Variants in TNRC6B observed in about 807,000 individuals in gnomAD.
The protein encoded by TNRC6B is trinucleotide repeat-containing gene 6B protein.
A neutral mutation model predicts 203.6 loss-of-function variants in TNRC6B; 52 were observed. That is an observed-to-expected ratio of 0.26 (90% CI 0.20 to 0.32). The LOEUF (loss-of-function observed/expected upper bound fraction) is 0.32. Ranked by LOEUF, TNRC6B falls within the 10% of genes least tolerant of loss-of-function variation. TNRC6B has a pLI of 1.00. For synonymous variants in TNRC6B, 838 were observed against 845.7 expected (o/e 0.99, Z 0.16); for missense variants, 1,923 against 2,286.2 (o/e 0.84, Z 3.24).
intron 5 of TNRC6B, among the ~76,000 whole-genome samples, chr22:40,268,697 G>A (rs1051700533): frequency 4.0e-5 from 6 of 151,886 alleles, no homozygotes; most frequent in African/African-American, 1.4e-4. Context: ...AGATCATGAG[G>A]TCAGGAGATC....
At chr22:40,116,614 T>TA (rs1351462997) in intron 1 of TNRC6B, among the ~76,000 whole-genome samples, 1 of 151,950 alleles carries the variant, frequency 6.6e-6, no homozygotes, top group Non-Finnish European at 1.5e-5. Flanking sequence ...AATGAAGAAT[T>TA]ATGGGTAGAT....
intron 1 of TNRC6B, among the ~76,000 whole-genome samples, chr22:40,240,484 C>T (rs2070013670): frequency 1.3e-5 from 2 of 152,148 alleles, no homozygotes; most frequent in East Asian, 3.8e-4. Context: ...GCAGCAGTCC[C>T]AGGCTGGGCT....
chr22:40,150,173 C>G (rs974530866), intron 3 of TNRC6B, among the ~76,000 whole-genome samples: 15 of 152,016 alleles, frequency 9.9e-5, no homozygotes, highest in Admixed American at 4.6e-4. Context: ...GTCAGGAGAT[C>G]AAGACCATCC....
Position 40,129,039 on chromosome 22 carries a change from C to T in TNRC6B, c.45+3177C>T, listed in dbSNP as rs6001785. Among the ~76,000 whole-genome samples, 67 of 152,218 alleles carry T rather than the reference C, an allele frequency of 4.4e-4. 1 individual carries two copies. Among genetic ancestry groups the T allele is most frequent in the African/African-American group, 1.6e-3 (66 of 41,538 alleles). ...GAGCGTAGCTAGTCAAGGAAGGTCT[C>T]TCTGAGACGGGGACATTTCAGCTGA... On this transcript the variant is annotated intron_variant, in intron 3 of 23. Coordinates refer to the TNRC6B transcript ENST00000301923.
rs760902198 is a variant in TNRC6B at position 40,270,448 on chromosome 22, T to C, written c.2965+168T>C. Among the ~76,000 whole-genome samples, 86 of 151,560 alleles carry C rather than the reference T, an allele frequency of 5.7e-4. 1 individual carries two copies. The highest frequency in any genetic ancestry group is 9.3e-4 in the Non-Finnish European group (63 of 67,928). On this transcript the variant is annotated intron_variant, in intron 6 of 22. Coordinates refer to ENST00000454349, the MANE Select transcript of TNRC6B (RefSeq NM_001162501.2). ...GATTCTCCTGCCTCAGCCTCCCGAGTAGCTGGGATTACAGGCGCCCGCCAC... is the reference window on the plus strand; with the variant it reads ...GATTCTCCTGCCTCAGCCTCCCGAGCAGCTGGGATTACAGGCGCCCGCCAC...
intron 1 of TNRC6B, among the ~76,000 whole-genome samples, chr22:40,241,439 A>G (rs2070027454): frequency 6.6e-6 from 1 of 152,204 alleles, no homozygotes; most frequent in Non-Finnish European, 1.5e-5. Flanking sequence ...TTCATTTGGA[A>G]CAATTCCTCA....
At chr22:40,184,013 G>A (rs569390026) in intron 1 of TNRC6B, among the ~76,000 whole-genome samples, 1 of 152,166 alleles carries the variant, frequency 6.6e-6, no homozygotes, top group African/African-American at 2.4e-5. Context: ...TGACTCAATG[G>A]GCAAAATGAA....
At chr22:40,151,739 TGA>T in intron 3 of TNRC6B, among the ~76,000 whole-genome samples, 1 of 149,896 alleles carries the variant, frequency 6.7e-6, no homozygotes, top group Middle Eastern at 3.4e-3. Context: ...AAAATAAAGT[TGA>T]GAGAACCTCC....
intron 1 of TNRC6B, among the ~76,000 whole-genome samples, chr22:40,091,118 A>C (rs1382158124): frequency 6.6e-6 from 1 of 151,862 alleles, no homozygotes; most frequent in African/African-American, 2.4e-5. Flanking sequence ...AATAGCTGGG[A>C]CTACAGGCGC....
In TNRC6B at chr22:40,165,765, C is replaced by G. The variant is rs189236680; in HGVS notation, c.113+9583C>G. Among the ~76,000 whole-genome samples the G allele has an allele frequency of 2.0e-5, 3 of 152,242 alleles. No individual in the cohort carries two copies. In the East Asian group the frequency reaches 5.8e-4, roughly 29 times the overall value. On this transcript the variant is annotated intron_variant, in intron 4 of 23. Coordinates refer to the TNRC6B transcript ENST00000301923. ...AAGTGCTGAGCAATGGGGGGGAAAG[C>G]TCCTTATATAACCATCACATCTCAT...
At chr22:40,260,293 T>C (rs1479751754) in intron 3 of TNRC6B, among the ~76,000 whole-genome samples, 1 of 152,108 alleles carries the variant, frequency 6.6e-6, no homozygotes, top group Non-Finnish European at 1.5e-5. Context: ...CAGGTAGCTG[T>C]AGAAACCAGA....
chr22:40,321,316 A>G (rs2146579415), intron 22 of TNRC6B, 87 bp downstream of exon 22: 2 of 1,469,630 alleles, frequency 1.4e-6, no homozygotes, highest in East Asian at 4.7e-5. Flanking sequence ...TTAAAGATGC[A>G]CCAGAACATA....
At chr22:40,156,262 T>G in intron 4 of TNRC6B, 1 of 1,365,458 alleles carries the variant, frequency 7.3e-7, no homozygotes, top group Non-Finnish European at 1.0e-6. Flanking sequence ...TAAGCGTGTT[T>G]GTCAGAGATG....
chr22:40,223,824 G>T (rs2069748105), intron 1 of TNRC6B, among the ~76,000 whole-genome samples: 1 of 152,150 alleles, frequency 6.6e-6, no homozygotes, highest in Non-Finnish European at 1.5e-5. Flanking sequence ...CTTTCATTTT[G>T]ATAGGTAGCT....
chr22:40,095,937 T>C (rs2068183272), intron 1 of TNRC6B, among the ~76,000 whole-genome samples: 1 of 152,048 alleles, frequency 6.6e-6, no homozygotes, highest in African/African-American at 2.4e-5. Context: ...GGCTCATCCA[T>C]GTCATCACCA....
intron 1 of TNRC6B, among the ~76,000 whole-genome samples, chr22:40,076,734 T>C (rs149494291): frequency 3.3e-4 from 50 of 152,310 alleles, no homozygotes; most frequent in Non-Finnish European, 5.9e-4. Flanking sequence ...AATGCTTTAA[T>C]GAAAAGTCTT....
In TNRC6B at chr22:40,321,442, G is replaced by A. The variant is rs143621855; in HGVS notation, c.5114+213G>A. On this transcript the variant is annotated intron_variant, in intron 22 of 22. Coordinates refer to ENST00000454349, the MANE Select transcript of TNRC6B (RefSeq NM_001162501.2). ...GTCCTGTATATATCAGAGGCCAGTC[G>A]TCAGAATTCCAAACGTAAATAATTT... 3.0e-4 allele frequency: 156 copies of A among 513,462 alleles called. 1 individual carries two copies. Among genetic ancestry groups the A allele is most frequent in the African/African-American group, 1.3e-3 (69 of 52,986 alleles). The allele number at this position is 513,462 out of a possible 1,614,324, so 31.8% of individuals were successfully genotyped here.
chr22:40,102,012 G>A (rs1396448921), intron 1 of TNRC6B, among the ~76,000 whole-genome samples: 11 of 152,172 alleles, frequency 7.2e-5, no homozygotes, highest in Admixed American at 7.2e-4. Context: ...CAGCAAACTA[G>A]TTTGGATAGC....
intron 4 of TNRC6B, among the ~76,000 whole-genome samples, chr22:40,169,267 G>A (rs1465420994): frequency 2.0e-5 from 3 of 151,680 alleles, no homozygotes; most frequent in Admixed American, 6.6e-5. Flanking sequence ...GAGTAGCTGG[G>A]ATCACAGGTG....
Sources: allele counts gnomAD v4.1 joint callset (sites outside exome capture counted in the v4.1 genomes callset), GRCh38; gene constraint gnomAD v4.1.1; transcripts MANE v1.5; gene names NCBI Gene and HGNC (gene_info 2026-07-23, HGNC 2026-07-21).